Variants in SAMMSON observed in about 807,000 individuals in gnomAD.
The protein encoded by SAMMSON is survival associated mitochondrial melanoma specific oncogenic non-coding RNA, also known as long intergenic non-protein coding RNA 1212.
intron 4 of SAMMSON, among the ~76,000 whole-genome samples, chr3:70,135,118 A>G (rs1199205916): frequency 2.0e-5 from 3 of 152,160 alleles, no homozygotes; most frequent in African/African-American, 4.8e-5. Flanking sequence ...GTGGTGAGAG[A>G]CAATTTAAAC....
intron 1 of SAMMSON, among the ~76,000 whole-genome samples, chr3:70,000,552 A>G (rs1484411457): frequency 6.6e-6 from 1 of 152,210 alleles, no homozygotes; most frequent in Non-Finnish European, 1.5e-5. Flanking sequence ...ATGTAAACAT[A>G]TTTCTGTTTA....
At chr3:70,018,317 T>C (rs1025939688) in intron 3 of SAMMSON, among the ~76,000 whole-genome samples, 1 of 152,016 alleles carries the variant, frequency 6.6e-6, no homozygotes, top group Non-Finnish European at 1.5e-5. Context: ...CTTGGGAGGG[T>C]GTATGTGCTG....
intron 6 of SAMMSON, among the ~76,000 whole-genome samples, chr3:70,259,839 G>T (rs896181395): frequency 2.0e-5 from 3 of 152,090 alleles, no homozygotes. Flanking sequence ...AGCACAGCTG[G>T]GGAGGTCTCA....
intron 4 of SAMMSON, among the ~76,000 whole-genome samples, chr3:70,194,204 T>C (rs1479633171): frequency 6.6e-6 from 1 of 152,240 alleles, no homozygotes; most frequent in Non-Finnish European, 1.5e-5. Flanking sequence ...TCATTCTATA[T>C]AAAGATTGTA....
At chr3:70,101,775 A>G (rs1467590964) in intron 4 of SAMMSON, among the ~76,000 whole-genome samples, 1 of 152,206 alleles carries the variant, frequency 6.6e-6, no homozygotes, top group Admixed American at 6.5e-5. Context: ...GTAAGGAAAC[A>G]GACCAAAAAG....
chr3:70,168,289 A>T (rs1249718130), intron 4 of SAMMSON, among the ~76,000 whole-genome samples: 1 of 151,870 alleles, frequency 6.6e-6, no homozygotes, highest in African/African-American at 2.4e-5. Flanking sequence ...GTTGGTTCCA[A>T]GGGAATTAAG....
chr3:70,284,265 C>T (rs1702118135), intron 6 of SAMMSON, among the ~76,000 whole-genome samples: 1 of 152,136 alleles, frequency 6.6e-6, no homozygotes, highest in Admixed American at 6.6e-5. Flanking sequence ...AGTGTACTTG[C>T]TAATCCCTAC....
At chr3:70,212,978 T>C (rs1701365753) in intron 4 of SAMMSON, among the ~76,000 whole-genome samples, 1 of 151,912 alleles carries the variant, frequency 6.6e-6, no homozygotes, top group African/African-American at 2.4e-5. Flanking sequence ...ATTATTATTA[T>C]TTGTATTTTG....
At chr3:70,159,503 C>A (rs2067605536) in intron 4 of SAMMSON, 1 of 152,058 alleles carries the variant, frequency 6.6e-6, no homozygotes, top group Non-Finnish European at 1.5e-5. Context: ...ACCATTCATA[C>A]ATTGATATCA....
intron 4 of SAMMSON, among the ~76,000 whole-genome samples, chr3:70,186,854 A>G (rs1051785085): frequency 6.6e-6 from 1 of 152,238 alleles, no homozygotes; most frequent in African/African-American, 2.4e-5. Context: ...TCTTGGAAGT[A>G]AACTCAGGGA....
intron 4 of SAMMSON, among the ~76,000 whole-genome samples, chr3:70,210,123 G>T (rs957516590): frequency 1.3e-5 from 2 of 152,110 alleles, no homozygotes; most frequent in Non-Finnish European, 2.9e-5. Context: ...TTACTGGAAT[G>T]TAAGAACATG....
chr3:70,110,271 A>G (rs1221963944), intron 4 of SAMMSON, among the ~76,000 whole-genome samples: 1 of 152,192 alleles, frequency 6.6e-6, no homozygotes, highest in East Asian at 1.9e-4. Context: ...TGTTTGGCAC[A>G]TTGTCAGTGC....
chr3:70,391,670 G>C (rs1487009740), downstream of SAMMSON, among the ~76,000 whole-genome samples: 1 of 152,082 alleles, frequency 6.6e-6, no homozygotes, highest in Non-Finnish European at 1.5e-5. Flanking sequence ...TTCTATGAAA[G>C]GGAGGTGGGA....
chr3:70,151,272 T>G (rs2067571027), intron 4 of SAMMSON, among the ~76,000 whole-genome samples: 1 of 152,056 alleles, frequency 6.6e-6, no homozygotes, highest in Non-Finnish European at 1.5e-5. Flanking sequence ...TCCTTGGTGC[T>G]GGAGCTCAGA....
At chr3:70,189,650 C>T (rs1381838260) in intron 4 of SAMMSON, among the ~76,000 whole-genome samples, 1 of 152,168 alleles carries the variant, frequency 6.6e-6, no homozygotes, top group Non-Finnish European at 1.5e-5. Context: ...CTTATTCTCG[C>T]CTACCTAGGG....
chr3:70,419,018 CTTCT>C (rs796619521), intron 2 of SAMMSON, among the ~76,000 whole-genome samples: 1 of 81,222 alleles, frequency 1.2e-5, no homozygotes, highest in South Asian at 4.1e-4. Flanking sequence ...TCTTTCTTTC[CTTCT>C]TTCTTTCTTT....
At chr3:70,174,442 A>G (rs369375580) in intron 4 of SAMMSON, among the ~76,000 whole-genome samples, 28 of 152,016 alleles carry the variant, frequency 1.8e-4, no homozygotes, top group East Asian at 1.7e-3. Context: ...CCAAAATAGA[A>G]TGTGCATCAT....
chr3:70,253,632 A>T (rs1179443085), intron 6 of SAMMSON, among the ~76,000 whole-genome samples: 1 of 152,178 alleles, frequency 6.6e-6, no homozygotes, highest in Non-Finnish European at 1.5e-5. Flanking sequence ...CTAAGGCAGG[A>T]GGATGGCTTG....
At chr3:70,226,140 T>C (rs971733854) in intron 4 of SAMMSON, among the ~76,000 whole-genome samples, 1 of 152,188 alleles carries the variant, frequency 6.6e-6, no homozygotes, top group African/African-American at 2.4e-5. Flanking sequence ...TAGATAAATT[T>C]GAAGGAGGAC....
Sources: gnomAD v4.1 joint callset for allele counts (sites outside exome capture counted in the v4.1 genomes callset) on GRCh38, gnomAD v4.1.1 for gene constraint, MANE v1.5 for transcripts, NCBI Gene and HGNC (gene_info 2026-07-23, HGNC 2026-07-21) for gene names.